DTNB: variants seen among roughly 807,000 people sequenced by gnomAD.
DTNB encodes dystrobrevin beta.
A neutral mutation model predicts 90.7 loss-of-function variants in DTNB; 63 were observed. The observed-to-expected ratio is 0.69, with a 90% CI of 0.57 to 0.86. The LOEUF (loss-of-function observed/expected upper bound fraction) is 0.86. Among genes scored for constraint, DTNB ranks in the 40% least tolerant of loss-of-function variants. The probability of loss-of-function intolerance (pLI) is 0.00; values close to 1 mark genes in which losing one functional copy is unlikely to be tolerated. For missense variants in DTNB, 744 were observed against 807.1 expected (o/e 0.92, Z 0.95); for synonymous variants, 277 against 286.7 (o/e 0.97, Z 0.34).
chr2:25,420,467 AATCTATCTATCTATCTATCT>A lies in DTNB; in HGVS notation c.1555-952_1555-933del, dbSNP rs70947889. ...AGAAATGGTCTCTGTCATCTAAATC[AATCTATCTATCTATCTATCT>A]ATCTATCTATCTATCTATCTATCTA... On this transcript the variant is annotated intron_variant, in intron 15 of 20. Coordinates refer to ENST00000406818, the MANE Select transcript of DTNB (RefSeq NM_021907.5). Among the ~76,000 whole-genome samples, 54 of 145,628 alleles carry A rather than the reference AATCTATCTATCTATCTATCT, an allele frequency of 3.7e-4. 1 individual carries two copies. The highest frequency in any genetic ancestry group is 1.0e-3 in the East Asian group (5 of 4,780).
chr2:25,381,722 C>T (rs908637691), intron 19 of DTNB, among the ~76,000 whole-genome samples: 22 of 152,258 alleles, frequency 1.4e-4, no homozygotes, highest in African/African-American at 5.1e-4. Flanking sequence ...TTCTCATCAA[C>T]TCGTTGGCGC....
At chr2:25,617,749 G>A (rs747843949) in intron 4 of DTNB, among the ~76,000 whole-genome samples, 12 of 152,052 alleles carry the variant, frequency 7.9e-5, no homozygotes, top group Non-Finnish European at 1.6e-4. Context: ...GTGGTGATAC[G>A]CGCCTGTAGT....
intron 4 of DTNB, among the ~76,000 whole-genome samples, chr2:25,610,175 A>G (rs980120512): frequency 1.3e-5 from 2 of 152,148 alleles, no homozygotes; most frequent in African/African-American, 4.8e-5. Context: ...CAGTGGCGTG[A>G]TCACAGCACA....
chr2:25,510,850 G>T (rs1364411879), intron 9 of DTNB, among the ~76,000 whole-genome samples: 1 of 152,304 alleles, frequency 6.6e-6, no homozygotes, highest in East Asian at 1.9e-4. Context: ...GCTTCTGACA[G>T]GTTTCTGGGA....
intron 10 of DTNB, among the ~76,000 whole-genome samples, chr2:25,465,483 T>A (rs960827263): frequency 6.6e-6 from 1 of 152,186 alleles, no homozygotes; most frequent in African/African-American, 2.4e-5. Flanking sequence ...CTATAATAAA[T>A]CTTATTAAAA....
At chr2:25,532,255 A>G (rs2078370979) in intron 8 of DTNB, among the ~76,000 whole-genome samples, 1 of 151,914 alleles carries the variant, frequency 6.6e-6, no homozygotes, top group African/African-American at 2.4e-5. Flanking sequence ...CAAAAAAAAA[A>G]AAAAAAAAAA....
At chr2:25,664,683 T>C (rs1395444800) in intron 1 of DTNB, among the ~76,000 whole-genome samples, 3 of 152,192 alleles carry the variant, frequency 2.0e-5, no homozygotes, top group Non-Finnish European at 4.4e-5. Flanking sequence ...ACTATTGCTC[T>C]TTTTAAAAGT....
intron 20 of DTNB, among the ~76,000 whole-genome samples, chr2:25,378,647 G>C (rs1408002626): frequency 1.3e-5 from 2 of 152,200 alleles, no homozygotes; most frequent in African/African-American, 2.4e-5. Context: ...GCTGGGACTA[G>C]AAAGAATTAA....
intron 16 of DTNB, among the ~76,000 whole-genome samples, chr2:25,400,572 A>T (rs2043455391): frequency 6.6e-6 from 1 of 152,200 alleles, no homozygotes; most frequent in Non-Finnish European, 1.5e-5. Flanking sequence ...AAGGATGGGG[A>T]TATGTTGTCC....
chr2:25,506,643 C>T (rs1348206099), intron 9 of DTNB, among the ~76,000 whole-genome samples: 1 of 152,154 alleles, frequency 6.6e-6, no homozygotes, highest in Admixed American at 6.5e-5. Context: ...GATCACCGCA[C>T]ATTCTATGCA....
intron 12 of DTNB, among the ~76,000 whole-genome samples, chr2:25,446,787 A>AT (rs1397584485): frequency 5.3e-5 from 8 of 152,188 alleles, no homozygotes; most frequent in African/African-American, 1.9e-4. Flanking sequence ...TGTCTTGAAC[A>AT]CATTTTGGAA....
intron 10 of DTNB, among the ~76,000 whole-genome samples, chr2:25,463,769 G>A (rs2061367648): frequency 6.6e-6 from 1 of 152,216 alleles, no homozygotes; most frequent in African/African-American, 2.4e-5. Context: ...CAACCAAGGT[G>A]GGGACAGCTA....
intron 8 of DTNB, among the ~76,000 whole-genome samples, chr2:25,543,293 T>G (rs1361998772): frequency 1.4e-5 from 2 of 146,900 alleles, no homozygotes; most frequent in African/African-American, 5.2e-5. Context: ...TAGAGACAGG[T>G]TTTTTTTGTT....
intron 8 of DTNB, among the ~76,000 whole-genome samples, chr2:25,535,717 T>TCCC (rs2079478659): frequency 8.1e-6 from 1 of 123,004 alleles, no homozygotes. Flanking sequence ...CCTCACTTCC[T>TCCC]AGACGGGGTG....
intron 1 of DTNB, among the ~76,000 whole-genome samples, chr2:25,666,978 G>T (rs1328642802): frequency 1.3e-5 from 2 of 151,912 alleles, no homozygotes; most frequent in Non-Finnish European, 2.9e-5. Context: ...ACAGCCTCAG[G>T]ACCATACTCT....
At chr2:25,667,051 T>A (rs1230202225) in intron 1 of DTNB, among the ~76,000 whole-genome samples, 1 of 151,580 alleles carries the variant, frequency 6.6e-6, no homozygotes, top group Non-Finnish European at 1.5e-5. Context: ...ACAATTATCA[T>A]ATCTGATTCT....
chr2:25,487,316 G>A (rs2066405596), intron 9 of DTNB, among the ~76,000 whole-genome samples: 1 of 152,174 alleles, frequency 6.6e-6, no homozygotes, highest in Non-Finnish European at 1.5e-5. Flanking sequence ...GTTCCAAAAA[G>A]TAAAACTTGA....
chr2:25,652,183 A>G (rs1285846347), intron 2 of DTNB, among the ~76,000 whole-genome samples: 1 of 152,212 alleles, frequency 6.6e-6, no homozygotes, highest in East Asian at 1.9e-4. Flanking sequence ...TAGTTTTCCA[A>G]CAGCTCTAGG....
chr2:25,596,422 G>A lies in DTNB; in HGVS notation c.449-182C>T, dbSNP rs559087376. On this transcript the variant is annotated intron_variant, in intron 5 of 20. Transcript: ENST00000406818. Reference sequence around the variant, plus strand: ...ATTAACACTGTGTGGCTACCCTGCAGATGAGGCCCCTCTCTTCCACTCACT... The same window carrying A: ...ATTAACACTGTGTGGCTACCCTGCAAATGAGGCCCCTCTCTTCCACTCACT... The A allele has an allele frequency of 4.6e-5, 24 of 525,854 alleles. No homozygotes were observed. In the East Asian group the frequency reaches 7.8e-4, roughly 17 times the overall value. The allele number at this position is 525,854 out of a possible 1,614,324, so 32.6% of individuals were successfully genotyped here.
Sources: gnomAD v4.1 joint callset for allele counts (sites outside exome capture counted in the v4.1 genomes callset) on GRCh38, gnomAD v4.1.1 for gene constraint, MANE v1.5 for transcripts, NCBI Gene and HGNC (gene_info 2026-07-23, HGNC 2026-07-21) for gene names.